The following CAMK1D variants were observed in gnomAD, a reference collection of about 807,000 sequenced individuals.
CAMK1D encodes calcium/calmodulin dependent protein kinase ID.
Under a neutral mutation model 47.7 loss-of-function variants are expected in CAMK1D, and 9 were observed. The ratio of observed to expected loss-of-function variants is 0.19; its 90% CI spans 0.11 to 0.33. The LOEUF (loss-of-function observed/expected upper bound fraction) is 0.33, where lower values mean the gene tolerates loss of function less well. Ranked by LOEUF, CAMK1D falls within the 10% of genes least tolerant of loss-of-function variation. The pLI is 1.00. For synonymous variants in CAMK1D, 184 were observed against 184.9 expected (o/e 0.99, Z 0.04); for missense variants, 291 against 488.7 (o/e 0.60, Z 3.81).
chr10:12,553,453 A>G (rs1342711925), intron 2 of CAMK1D, 97 bp downstream of exon 2: 3 of 1,009,518 alleles, frequency 3.0e-6, no homozygotes, highest in East Asian at 4.8e-5. Context: ...CCGGGGGCAG[A>G]GGGGCCCCCA....
At chr10:12,375,627 T>C (rs1838154284) in intron 1 of CAMK1D, among the ~76,000 whole-genome samples, 1 of 152,190 alleles carries the variant, frequency 6.6e-6, no homozygotes. Flanking sequence ...TAAATGACAT[T>C]TGGCTTCTTC....
chr10:12,571,436 A>G (rs1179909939), intron 2 of CAMK1D, among the ~76,000 whole-genome samples: 1 of 135,066 alleles, frequency 7.4e-6, no homozygotes, highest in Admixed American at 8.3e-5. Flanking sequence ...TCTGGGTGAC[A>G]GAGGGAGACT....
At chr10:12,707,620 C>G (rs1012625449) in intron 3 of CAMK1D, among the ~76,000 whole-genome samples, 9 of 152,214 alleles carry the variant, frequency 5.9e-5, no homozygotes, top group Admixed American at 2.6e-4. Context: ...GAAGGGAAGG[C>G]TTGCTCAGCT....
intron 3 of CAMK1D, among the ~76,000 whole-genome samples, chr10:12,748,007 T>C (rs953175531): frequency 6.6e-6 from 1 of 152,214 alleles, no homozygotes; most frequent in African/African-American, 2.4e-5. Context: ...GAATAATGTT[T>C]GACCAAATAT....
chr10:12,541,520 C>T (rs565907445), intron 1 of CAMK1D, among the ~76,000 whole-genome samples: 15 of 152,194 alleles, frequency 9.9e-5, no homozygotes, highest in Middle Eastern at 3.4e-3. Context: ...TGTGCCACCA[C>T]GCCTGGCTAA....
chr10:12,657,396 G>C (rs969813459), intron 2 of CAMK1D, among the ~76,000 whole-genome samples: 1 of 148,546 alleles, frequency 6.7e-6, no homozygotes, highest in Admixed American at 6.8e-5. Flanking sequence ...CTGCACTCCA[G>C]CCTAGTGATG....
At chr10:12,690,916 C>T (rs1832851746) in intron 3 of CAMK1D, among the ~76,000 whole-genome samples, 1 of 152,120 alleles carries the variant, frequency 6.6e-6, no homozygotes, top group Non-Finnish European at 1.5e-5. Context: ...ACGTGACCAA[C>T]CCCTCACCCT....
chr10:12,799,363 C>T (rs1231626973), intron 6 of CAMK1D, among the ~76,000 whole-genome samples: 1 of 151,886 alleles, frequency 6.6e-6, no homozygotes, highest in Non-Finnish European at 1.5e-5. Flanking sequence ...CCATTGTCAG[C>T]CTATGCAGAT....
intron 4 of CAMK1D, among the ~76,000 whole-genome samples, chr10:12,768,637 C>T (rs1267912130): frequency 6.6e-6 from 1 of 151,796 alleles, no homozygotes; most frequent in Non-Finnish European, 1.5e-5. Context: ...TCCTTGACAT[C>T]GTCTCCCCCC....
chr10:12,477,604 T>G (rs1312780303), intron 1 of CAMK1D, among the ~76,000 whole-genome samples: 1 of 152,048 alleles, frequency 6.6e-6, no homozygotes, highest in East Asian at 1.9e-4. Flanking sequence ...GTGAAGGGGC[T>G]GGAAGAGACA....
At chr10:12,588,864 A>ATG (rs374126074) in intron 2 of CAMK1D, among the ~76,000 whole-genome samples, 5,568 of 104,792 alleles carry the variant, frequency 0.053, 161 homozygotes, top group South Asian at 0.12. Context: ...GTATATGTAT[A>ATG]TATGTGTGTG....
chr10:12,523,001 G>T (rs537405547), intron 1 of CAMK1D, among the ~76,000 whole-genome samples: 16 of 148,712 alleles, frequency 1.1e-4, no homozygotes, highest in African/African-American at 3.2e-4. Flanking sequence ...GGTGGCTGCC[G>T]GGCGGAGACG....
At chr10:12,627,287 T>C (rs1285721472) in intron 2 of CAMK1D, among the ~76,000 whole-genome samples, 1 of 151,954 alleles carries the variant, frequency 6.6e-6, no homozygotes, top group Non-Finnish European at 1.5e-5. Context: ...GGTTTCACCA[T>C]GTTAGCCAGG....
intron 3 of CAMK1D, among the ~76,000 whole-genome samples, chr10:12,694,133 TATATATAATATA>T (rs1192901237): frequency 4.4e-5 from 1 of 22,756 alleles, no homozygotes; most frequent in Non-Finnish European, 7.5e-5. Context: ...TAATATATAT[TATATATAATATA>T]ATATATAATA....
intron 1 of CAMK1D, among the ~76,000 whole-genome samples, chr10:12,457,937 G>C (rs990061038): frequency 1.3e-5 from 2 of 152,152 alleles, no homozygotes; most frequent in African/African-American, 4.8e-5. Context: ...AATAGGTGTC[G>C]GAATGCCTCC....
At chr10:12,515,754 C>T (rs966201505) in intron 1 of CAMK1D, among the ~76,000 whole-genome samples, 23 of 151,502 alleles carry the variant, frequency 1.5e-4, no homozygotes, top group African/African-American at 5.3e-4. Flanking sequence ...GGACTATAAG[C>T]GCCTGCCACA....
chr10:12,764,690 A>G (rs1317328667), intron 4 of CAMK1D, among the ~76,000 whole-genome samples: 1 of 152,252 alleles, frequency 6.6e-6, no homozygotes, highest in Non-Finnish European at 1.5e-5. Flanking sequence ...GATAATCCCT[A>G]AACTTCCAGA....
intron 1 of CAMK1D, among the ~76,000 whole-genome samples, chr10:12,464,699 C>T (rs1833539576): frequency 6.6e-6 from 1 of 151,898 alleles, no homozygotes; most frequent in Non-Finnish European, 1.5e-5. Context: ...CCTGTAGTCC[C>T]AGCTACTCAG....
At chr10:12,806,143 G>A (rs193071231) in intron 6 of CAMK1D, among the ~76,000 whole-genome samples, 5 of 152,330 alleles carry the variant, frequency 3.3e-5, no homozygotes, top group East Asian at 3.9e-4. Context: ...GAATTTTCTC[G>A]ATTGAGGATG....
Sources: gnomAD v4.1 joint callset for allele counts (sites outside exome capture counted in the v4.1 genomes callset) on GRCh38, gnomAD v4.1.1 for gene constraint, MANE v1.5 for transcripts, NCBI Gene and HGNC (gene_info 2026-07-23, HGNC 2026-07-21) for gene names.